WDR41: variants seen among roughly 807,000 people sequenced by gnomAD.
The protein encoded by WDR41 is WD repeat-containing protein 41.
In WDR41, 63 loss-of-function variants were observed where a neutral mutation model predicts 69.3. The observed-to-expected ratio is 0.91, with a 90% CI of 0.74 to 1.12. The LOEUF (loss-of-function observed/expected upper bound fraction) is 1.12, where lower values mean the gene tolerates loss of function less well. Ranked by LOEUF, WDR41 falls within the 50% of genes most tolerant of loss-of-function variation. The pLI, the probability that WDR41 is intolerant of heterozygous loss-of-function variation, is 0.00. For synonymous variants in WDR41, 185 were observed against 192.1 expected, an observed-to-expected ratio of 0.96 and a Z score of 0.31; for missense variants, 543 against 534.5, an observed-to-expected ratio of 1.02 and a Z score of -0.16.
chr5:77,474,740 T>C (rs1229039977), intron 2 of WDR41, among the ~76,000 whole-genome samples: 1 of 152,222 alleles, frequency 6.6e-6, no homozygotes, highest in African/African-American at 2.4e-5. Flanking sequence ...GTAAAACATT[T>C]GGTAAGTTCT....
chr5:77,518,129 C>G (rs978447554), intron 1 of WDR41, among the ~76,000 whole-genome samples: 1 of 151,774 alleles, frequency 6.6e-6, no homozygotes, highest in African/African-American at 2.4e-5. Flanking sequence ...TTAAGATTAA[C>G]AAAAAAAGAG....
chr5:77,505,096 C>T (rs1386187810), intron 1 of WDR41, among the ~76,000 whole-genome samples: 1 of 152,136 alleles, frequency 6.6e-6, no homozygotes, highest in Admixed American at 6.5e-5. Flanking sequence ...TCCCTGTTTG[C>T]AGATGACATG....
chr5:77,483,734 T>C (rs1561197572), intron 2 of WDR41, among the ~76,000 whole-genome samples: 6 of 152,178 alleles, frequency 3.9e-5, no homozygotes. Flanking sequence ...TCGTCAATTA[T>C]TACTGATCCC....
At chr5:77,436,710 C>A (rs1798948680) in intron 11 of WDR41, among the ~76,000 whole-genome samples, 1 of 152,022 alleles carries the variant, frequency 6.6e-6, no homozygotes, top group Non-Finnish European at 1.5e-5. Flanking sequence ...GAAAAAAGGG[C>A]AAAACTCAGA....
At chr5:77,600,535 T>C (rs1011995793) in intron 1 of WDR41, among the ~76,000 whole-genome samples, 3 of 152,170 alleles carry the variant, frequency 2.0e-5, no homozygotes, top group Admixed American at 2.0e-4. Context: ...GCTATGTACA[T>C]TTGTCAAAAC....
At chr5:77,545,055 C>T (rs1434966887) in intron 1 of WDR41, among the ~76,000 whole-genome samples, 1 of 152,062 alleles carries the variant, frequency 6.6e-6, no homozygotes, top group African/African-American at 2.4e-5. Context: ...ATTAAATAAC[C>T]TGCTCCTGAA....
intron 1 of WDR41, among the ~76,000 whole-genome samples, chr5:77,509,649 A>T (rs57992857): frequency 0.11 from 16,133 of 152,208 alleles, 1,028 homozygotes; most frequent in Middle Eastern, 0.2. Flanking sequence ...TAGGGAATCT[A>T]TAGAGACAGA....
At chr5:77,525,143 G>A (rs73124332) in intron 1 of WDR41, among the ~76,000 whole-genome samples, 14,324 of 152,010 alleles carry the variant, frequency 0.094, 1,419 homozygotes, top group African/African-American at 0.25. Context: ...TATTGAAGAG[G>A]GTAGAATAAG....
At chr5:77,480,926 A>T (rs766630731) in intron 2 of WDR41, among the ~76,000 whole-genome samples, 4 of 151,158 alleles carry the variant, frequency 2.6e-5, no homozygotes, top group Admixed American at 6.6e-5. Context: ...TCCATGGAGG[A>T]CTCCCACTAC....
intron 1 of WDR41, among the ~76,000 whole-genome samples, chr5:77,619,123 C>A (rs12519999): frequency 0.084 from 12,805 of 152,204 alleles, 840 homozygotes; most frequent in Middle Eastern, 0.17. Context: ...GCTTCATGGT[C>A]ATTGTTTCAC....
intron 1 of WDR41, among the ~76,000 whole-genome samples, chr5:77,568,846 T>C (rs1421513154): frequency 1.3e-5 from 2 of 152,268 alleles, no homozygotes; most frequent in East Asian, 3.9e-4. Context: ...AATCTGGAAG[T>C]ACAAACAGTC....
intron 1 of WDR41, among the ~76,000 whole-genome samples, chr5:77,570,558 G>T (rs1743716433): frequency 6.7e-6 from 1 of 148,580 alleles, no homozygotes; most frequent in Non-Finnish European, 1.5e-5. Context: ...AATATTCTAA[G>T]ATATAGTGTT....
chr5:77,606,170 T>C (rs910891286), intron 1 of WDR41, among the ~76,000 whole-genome samples: 8 of 152,134 alleles, frequency 5.3e-5, no homozygotes, highest in African/African-American at 1.9e-4. Context: ...CACACCAATC[T>C]TTTGCATAGT....
rs58840270 is a variant in WDR41 at position 77,617,393 on chromosome 5, T to TACAC, written c.42+3082_42+3085dup. 3.0e-3 allele frequency among the ~76,000 whole-genome samples: 458 copies of TACAC among 151,038 alleles called. 4 individuals are homozygous for TACAC. Among genetic ancestry groups the TACAC allele is most frequent in the African/African-American group, 0.011 (440 of 41,326 alleles). ...TTTCTGTCTCTCTCATCTACACACA[T>TACAC]ACACACACACACACAGATGCATTAA... On this transcript the variant is annotated intron_variant, in intron 1 of 5. Transcript: ENST00000509971.
Position 77,545,974 on chromosome 5 carries a change from C to A in WDR41, c.43-56402G>T. The stretch of plus-strand genomic sequence containing the variant: ...TGTGGCTCCGTGCTGGTGACCTCAT[C>A]CCTGTGCCCAGGAGCACTGGCATCA... On this transcript the variant is annotated intron_variant, in intron 1 of 5. Transcript: ENST00000509971. The A allele has an allele frequency of 1.4e-5, 7 of 486,556 alleles. No homozygotes were observed. In the South Asian group the frequency reaches 2.4e-4, roughly 17 times the overall value. 30.1% of individuals were successfully genotyped at this position (486,556 alleles called of 1,614,324 possible).
At chr5:77,592,742 A>G (rs540756515) in intron 1 of WDR41, among the ~76,000 whole-genome samples, 8 of 152,304 alleles carry the variant, frequency 5.3e-5, no homozygotes, top group Admixed American at 1.3e-4. Flanking sequence ...AATGCATGCA[A>G]AGTACTGCTA....
chr5:77,437,214 T>C, intron 11 of WDR41, 122 bp downstream of exon 11: 2 of 804,300 alleles, frequency 2.5e-6, no homozygotes, highest in Non-Finnish European at 4.2e-6. Flanking sequence ...TCTATAAACA[T>C]CTGATGCCTA....
At chr5:77,500,976 T>C (rs1003260607) in intron 1 of WDR41, among the ~76,000 whole-genome samples, 5 of 152,182 alleles carry the variant, frequency 3.3e-5, no homozygotes, top group Non-Finnish European at 5.9e-5. Context: ...AGATGGGTGA[T>C]TTCTGCATTT....
intron 1 of WDR41, among the ~76,000 whole-genome samples, chr5:77,615,810 T>G (rs1051767959): frequency 2.0e-5 from 3 of 149,962 alleles, no homozygotes; most frequent in African/African-American, 7.4e-5. Context: ...CTGGCCAACA[T>G]AGTGAAACCC....
Sources: gnomAD v4.1 joint callset for allele counts (sites outside exome capture counted in the v4.1 genomes callset) on GRCh38, gnomAD v4.1.1 for gene constraint, MANE v1.5 for transcripts, NCBI Gene and HGNC (gene_info 2026-07-23, HGNC 2026-07-21) for gene names.